Variants in KCNK9 observed in about 807,000 individuals in gnomAD.
KCNK9 encodes potassium channel subfamily K member 9.
KCNK9 carries 1 observed loss-of-function variant against 10.8 expected under a neutral mutation model. The observed-to-expected ratio is 0.09, with a 90% CI of 0.03 to 0.44. The LOEUF (loss-of-function observed/expected upper bound fraction) is 0.44, where lower values mean the gene tolerates loss of function less well. Ranked by LOEUF, KCNK9 falls within the 20% of genes least tolerant of loss-of-function variation. The pLI, the probability that KCNK9 is intolerant of heterozygous loss-of-function variation, is 0.97. For synonymous variants in KCNK9, 231 were observed against 222.7 expected, an observed-to-expected ratio of 1.04 and a Z score of -0.33; for missense variants, 303 against 515.0, an observed-to-expected ratio of 0.59 and a Z score of 3.98.
At chr8:139,677,543 G>A (rs1332139565) in intron 1 of KCNK9, among the ~76,000 whole-genome samples, 1 of 148,398 alleles carries the variant, frequency 6.7e-6, no homozygotes, top group Non-Finnish European at 1.5e-5. Flanking sequence ...CTGAGGGTGA[G>A]AAAGTGGATT....
intron 1 of KCNK9, among the ~76,000 whole-genome samples, chr8:139,647,860 G>T (rs1462380473): frequency 6.6e-6 from 1 of 152,186 alleles, no homozygotes; most frequent in Non-Finnish European, 1.5e-5. Context: ...TGGCGCAGCT[G>T]CTGTGGAAGG....
intron 1 of KCNK9, among the ~76,000 whole-genome samples, chr8:139,639,842 C>A (rs1318833820): frequency 6.6e-6 from 1 of 152,198 alleles, no homozygotes; most frequent in Admixed American, 6.5e-5. Flanking sequence ...CTAGGAAGAC[C>A]AGCACCACTA....
At chr8:139,630,430 C>G (rs1416581319) in intron 1 of KCNK9, among the ~76,000 whole-genome samples, 1 of 152,126 alleles carries the variant, frequency 6.6e-6, no homozygotes, top group East Asian at 1.9e-4. Context: ...GCCTCTCTCC[C>G]GGAGGATGCA....
At chr8:139,619,165 G>C in intron 1 of KCNK9, 66 bp from the exon 2 acceptor site, 3 of 1,585,270 alleles carry the variant, frequency 1.9e-6, no homozygotes, top group Non-Finnish European at 2.6e-6. Flanking sequence ...TGGGGGAAGG[G>C]AGGGTCGACT....
At chr8:139,646,953 T>C (rs1004748762) in intron 1 of KCNK9, among the ~76,000 whole-genome samples, 2 of 152,340 alleles carry the variant, frequency 1.3e-5, no homozygotes, top group Admixed American at 1.3e-4. Flanking sequence ...GTCCTAACAC[T>C]GGCCGCCAGC....
chr8:139,637,027 C>T (rs1010681166), intron 1 of KCNK9, among the ~76,000 whole-genome samples: 2 of 152,208 alleles, frequency 1.3e-5, no homozygotes, highest in African/African-American at 4.8e-5. Flanking sequence ...TAACAAGAGG[C>T]TGACCAAAAG....
At chr8:139,615,031 A>G (rs1814538420), downstream of KCNK9, among the ~76,000 whole-genome samples, 1 of 152,208 alleles carries the variant, frequency 6.6e-6, no homozygotes, top group African/African-American at 2.4e-5. Context: ...CTGAATGGGC[A>G]TGGTTAACTG....
chr8:139,677,409 G>C (rs1435324754), intron 1 of KCNK9, among the ~76,000 whole-genome samples: 1 of 152,122 alleles, frequency 6.6e-6, no homozygotes, highest in Non-Finnish European at 1.5e-5. Flanking sequence ...CCAGGGGCTA[G>C]TCTGACCCCA....
chr8:139,675,804 A>G (rs559230407), intron 1 of KCNK9, among the ~76,000 whole-genome samples: 1 of 151,896 alleles, frequency 6.6e-6, no homozygotes, highest in South Asian at 2.1e-4. Flanking sequence ...AAGGTCTCCT[A>G]GAAGCCTCCT....
At chr8:139,699,492 A>G (rs369813816) in intron 1 of KCNK9, among the ~76,000 whole-genome samples, 31 of 152,366 alleles carry the variant, frequency 2.0e-4, no homozygotes, top group Middle Eastern at 3.4e-3. Flanking sequence ...AGGGTCTCCC[A>G]TGCAAAGGTC....
intron 1 of KCNK9, among the ~76,000 whole-genome samples, chr8:139,690,809 A>G (rs967669616): frequency 2.6e-5 from 4 of 152,212 alleles, no homozygotes; most frequent in Admixed American, 2.6e-4. Context: ...TCAGAGCCTC[A>G]TCAGCATAAC....
intron 1 of KCNK9, among the ~76,000 whole-genome samples, chr8:139,674,802 C>T (rs535208574): frequency 2.7e-4 from 41 of 152,246 alleles, no homozygotes; most frequent in African/African-American, 5.5e-4. Context: ...GGACTCAGCC[C>T]GGGGTGGGGC....
intron 1 of KCNK9, among the ~76,000 whole-genome samples, chr8:139,633,808 C>T (rs62520182): frequency 0.1 from 15,295 of 152,288 alleles, 1,173 homozygotes; most frequent in Non-Finnish European, 0.14. Context: ...ACAGGGCCTT[C>T]CCCCGAGGCC....
chr8:139,621,280 G>C (rs1814768496), intron 1 of KCNK9, among the ~76,000 whole-genome samples: 1 of 136,746 alleles, frequency 7.3e-6, no homozygotes, highest in Non-Finnish European at 1.5e-5. Context: ...GACAGAGCGA[G>C]ACTCCATCTC....
chr8:139,636,157 T>G (rs928766528), intron 1 of KCNK9, among the ~76,000 whole-genome samples: 3 of 152,256 alleles, frequency 2.0e-5, no homozygotes. Flanking sequence ...CCAGCCTTTA[T>G]TGGCCCAGCA....
At chr8:139,654,095 C>A (rs1234156719) in intron 1 of KCNK9, among the ~76,000 whole-genome samples, 2 of 152,248 alleles carry the variant, frequency 1.3e-5, no homozygotes, top group Non-Finnish European at 2.9e-5. Flanking sequence ...AGGAACAGAG[C>A]TTTCCAGTTA....
At chr8:139,603,542 T>C (rs901694275) in intron 2 of KCNK9, among the ~76,000 whole-genome samples, 4 of 152,074 alleles carry the variant, frequency 2.6e-5, no homozygotes, top group African/African-American at 9.7e-5. Context: ...CCTTACTTGG[T>C]TGTTAGGGGA....
intron 2 of KCNK9, among the ~76,000 whole-genome samples, chr8:139,605,722 T>C (rs1817471504): frequency 6.6e-6 from 1 of 152,226 alleles, no homozygotes; most frequent in Admixed American, 6.5e-5. Context: ...TGTAAAGACA[T>C]TGTAAAATAT....
At chr8:139,609,406 G>C (rs1177907903), downstream of KCNK9, among the ~76,000 whole-genome samples, 8 of 152,236 alleles carry the variant, frequency 5.3e-5, no homozygotes, top group Non-Finnish European at 1.2e-4. Flanking sequence ...GTGGCCCTCA[G>C]AAGGGGGTAG....
Sources: allele counts gnomAD v4.1 joint callset (sites outside exome capture counted in the v4.1 genomes callset), GRCh38; gene constraint gnomAD v4.1.1; transcripts MANE v1.5; gene names NCBI Gene and HGNC (gene_info 2026-07-23, HGNC 2026-07-21).